Variants in PAPPA2 observed in about 807,000 individuals in gnomAD.
PAPPA2 encodes pappalysin 2, also known as pappalysin-2.
PAPPA2 carries 86 observed loss-of-function variants against 176.4 expected under a neutral mutation model. That is an observed-to-expected ratio of 0.49 (90% CI 0.41 to 0.58). PAPPA2 has a LOEUF of 0.58. Among genes scored for constraint, PAPPA2 ranks in the 20% least tolerant of loss-of-function variants. The pLI is 0.00. For missense variants in PAPPA2, 2,073 were observed against 2,256.9 expected (o/e 0.92, Z 1.65); for synonymous variants, 809 against 852.2 (o/e 0.95, Z 0.88).
chr1:176,542,131 C>A (rs987743900), intron 1 of PAPPA2, among the ~76,000 whole-genome samples: 1 of 151,982 alleles, frequency 6.6e-6, no homozygotes, highest in African/African-American at 2.4e-5. Flanking sequence ...TAAATTATTT[C>A]CTCTTATAGA....
chr1:176,569,802 G>C (rs1361678845), intron 2 of PAPPA2, among the ~76,000 whole-genome samples: 1 of 152,182 alleles, frequency 6.6e-6, no homozygotes, highest in Non-Finnish European at 1.5e-5. Flanking sequence ...AATTCTATTT[G>C]GAAGTAGGCA....
At chr1:176,489,104 C>T (rs1039913749) in intron 1 of PAPPA2, among the ~76,000 whole-genome samples, 126 of 152,244 alleles carry the variant, frequency 8.3e-4, no homozygotes, top group African/African-American at 2.8e-3. Flanking sequence ...TGTGCCCATA[C>T]GCAAACACGA....
At chr1:176,648,725 T>C (rs1397210163) in intron 3 of PAPPA2, among the ~76,000 whole-genome samples, 1 of 151,724 alleles carries the variant, frequency 6.6e-6, no homozygotes, top group African/African-American at 2.4e-5. Flanking sequence ...GTTAATGTAA[T>C]GTATCATGTT....
chr1:176,756,198 ACCCACCTCAGCCT>A (rs1467563555), intron 14 of PAPPA2, among the ~76,000 whole-genome samples: 1 of 151,936 alleles, frequency 6.6e-6, no homozygotes, highest in Non-Finnish European at 1.5e-5. Flanking sequence ...CAAGTGATCC[ACCCACCTCAGCCT>A]CCCAAAGTGT....
At chr1:176,764,071 C>T (rs1276753923) in intron 14 of PAPPA2, among the ~76,000 whole-genome samples, 2 of 152,152 alleles carry the variant, frequency 1.3e-5, no homozygotes, top group Admixed American at 6.5e-5. Flanking sequence ...ACAATCCACT[C>T]TCATGGGAAC....
At chr1:176,782,363 G>A (rs548339534) in intron 17 of PAPPA2, among the ~76,000 whole-genome samples, 1 of 152,266 alleles carries the variant, frequency 6.6e-6, no homozygotes, top group East Asian at 1.9e-4. Context: ...GGTGGGAGCT[G>A]ATGATAAGCA....
chr1:176,685,359 A>T lies in PAPPA2; in HGVS notation c.2138-4778A>T, dbSNP rs143789316. 3.0e-3 allele frequency among the ~76,000 whole-genome samples: 460 copies of T among 152,224 alleles called. 4 individuals carry two copies. Among genetic ancestry groups the T allele is most frequent in the African/African-American group, 0.011 (447 of 41,536 alleles). ...GAGCTTCTAAGGAGTGTTTCCCCAT[A>T]TCAGGATCAATACTTTTACAGTGCC... On this transcript the variant is annotated intron_variant, in intron 4 of 22. Transcript: ENST00000367662.
chr1:176,533,109 C>T (rs763116482), intron 1 of PAPPA2, among the ~76,000 whole-genome samples: 1 of 152,216 alleles, frequency 6.6e-6, no homozygotes, highest in African/African-American at 2.4e-5. Context: ...TTTTCTACTC[C>T]TTTCCTCCTG....
intron 1 of PAPPA2, among the ~76,000 whole-genome samples, chr1:176,492,022 C>T (rs1380433694): frequency 3.3e-5 from 5 of 152,170 alleles, no homozygotes; most frequent in African/African-American, 4.8e-5. Flanking sequence ...ACAGGATGCT[C>T]CTGAACATCA....
At chr1:176,500,780 T>C (rs1647913095) in intron 1 of PAPPA2, among the ~76,000 whole-genome samples, 1 of 151,300 alleles carries the variant, frequency 6.6e-6, no homozygotes, top group Non-Finnish European at 1.5e-5. Flanking sequence ...CCCTAACCTA[T>C]GTATGTGATA....
rs770384787 is a variant in PAPPA2 at position 176,843,035 on chromosome 1, T to C, written c.*581T>C. The C allele has an allele frequency of 4.0e-5, 6 of 151,102 alleles. No individual in the cohort carries two copies. The highest frequency in any genetic ancestry group is 7.4e-5 in the Non-Finnish European group (5 of 67,828). The allele number at this position is 151,102 out of a possible 1,614,324, so 9.4% of individuals were successfully genotyped here. A position where few individuals can be genotyped will look rare whatever the true frequency, so the allele number is the denominator to read the frequency against. On this transcript the variant is annotated 3_prime_UTR_variant, in exon 23 of 23. Coordinates refer to ENST00000367662, the MANE Select transcript of PAPPA2 (RefSeq NM_020318.3). ...TATATATATTATATTTTTTGCTGTT[T>C]ACTAAGCTAAAAATTATTCATTGTT...
At chr1:176,703,243 A>G (rs1177670097) in intron 9 of PAPPA2, among the ~76,000 whole-genome samples, 1 of 152,186 alleles carries the variant, frequency 6.6e-6, no homozygotes, top group African/African-American at 2.4e-5. Flanking sequence ...ACTGATAACA[A>G]TATAATTTCC....
chr1:176,519,900 C>T (rs1410833525), intron 1 of PAPPA2, among the ~76,000 whole-genome samples: 3 of 152,212 alleles, frequency 2.0e-5, no homozygotes, highest in Admixed American at 2.0e-4. Flanking sequence ...ATCAAGTACT[C>T]TTCTACTTGA....
chr1:176,500,710 A>C (rs1486452501), intron 1 of PAPPA2, among the ~76,000 whole-genome samples: 1 of 151,774 alleles, frequency 6.6e-6, no homozygotes, highest in East Asian at 1.9e-4. Context: ...TCGTGCAATA[A>C]GTCAAATACA....
intron 1 of PAPPA2, among the ~76,000 whole-genome samples, chr1:176,535,368 A>T (rs1252884455): frequency 6.6e-6 from 1 of 152,128 alleles, no homozygotes. Context: ...TAACCTCTAG[A>T]TTTCATTTTT....
chr1:176,827,478 A>C (rs1330936342), intron 21 of PAPPA2, among the ~76,000 whole-genome samples: 2 of 152,136 alleles, frequency 1.3e-5, no homozygotes, highest in Non-Finnish European at 2.9e-5. Context: ...CTCTGCCAAA[A>C]TCCTATCCAT....
chr1:176,589,572 A>G (rs1653527639), intron 2 of PAPPA2, among the ~76,000 whole-genome samples: 1 of 152,236 alleles, frequency 6.6e-6, no homozygotes, highest in Non-Finnish European at 1.5e-5. Flanking sequence ...TGGCTTCCAC[A>G]CTACCACCAT....
intron 2 of PAPPA2, among the ~76,000 whole-genome samples, chr1:176,590,612 A>G (rs548126445): frequency 4.8e-4 from 73 of 152,328 alleles, no homozygotes; most frequent in Non-Finnish European, 5.0e-4. Flanking sequence ...AATTCTCACA[A>G]CAACCTCATG....
intron 1 of PAPPA2, among the ~76,000 whole-genome samples, chr1:176,512,971 G>A (rs926799171): frequency 6.6e-6 from 1 of 152,120 alleles, no homozygotes; most frequent in Non-Finnish European, 1.5e-5. Flanking sequence ...AGTTTCAAAA[G>A]TTAGGGATAG....
Sources: allele counts gnomAD v4.1 joint callset (sites outside exome capture counted in the v4.1 genomes callset), GRCh38; gene constraint gnomAD v4.1.1; transcripts MANE v1.5; gene names NCBI Gene and HGNC (gene_info 2026-07-23, HGNC 2026-07-21).